CREB3L1: variants seen among roughly 807,000 people sequenced by gnomAD.
CREB3L1 encodes the protein cyclic AMP-responsive element-binding protein 3-like protein 1.
Under a neutral mutation model 54.5 loss-of-function variants are expected in CREB3L1, and 33 were observed. The observed-to-expected ratio is 0.61, with a 90% CI of 0.46 to 0.81. CREB3L1 has a LOEUF of 0.81. Ranked by LOEUF, CREB3L1 falls within the 30% of genes least tolerant of loss-of-function variation. CREB3L1 has a pLI of 0.00. For synonymous variants in CREB3L1, 284 were observed against 286.4 expected, an observed-to-expected ratio of 0.99 and a Z score of 0.08; for missense variants, 656 against 673.3, an observed-to-expected ratio of 0.97 and a Z score of 0.29.
At chr11:46,292,079 C>A (rs931888676) in intron 1 of CREB3L1, among the ~76,000 whole-genome samples, 5 of 152,178 alleles carry the variant, frequency 3.3e-5, no homozygotes, top group African/African-American at 1.2e-4. Flanking sequence ...TTAGGCCTGA[C>A]AGGGTCTGGG....
At chr11:46,302,677 T>C (rs1309527572) in intron 2 of CREB3L1, among the ~76,000 whole-genome samples, 1 of 152,226 alleles carries the variant, frequency 6.6e-6, no homozygotes, top group Non-Finnish European at 1.5e-5. Context: ...AATCTCCATG[T>C]GACCGATAAG....
chr11:46,285,226 G>A (rs1939038869), intron 1 of CREB3L1, among the ~76,000 whole-genome samples: 1 of 152,196 alleles, frequency 6.6e-6, no homozygotes, highest in Non-Finnish European at 1.5e-5. Context: ...TCTGGAACCT[G>A]GCTTGCCCTT....
At chr11:46,314,187 G>C (rs4522142) in intron 8 of CREB3L1, among the ~76,000 whole-genome samples, 1 of 150,938 alleles carries the variant, frequency 6.6e-6, no homozygotes, top group South Asian at 2.1e-4. Flanking sequence ...ACAGTGAGCT[G>C]AGATGGTGCC....
rs1939585865 is a variant in CREB3L1 at position 46,317,502 on chromosome 11, G to A, written c.1258+15G>A. 2 of 1,606,024 alleles carry A rather than the reference G, an allele frequency of 1.2e-6. No individual in the cohort carries two copies. Among genetic ancestry groups the A allele is most frequent in the African/African-American group, 1.3e-5 (1 of 74,918 alleles). ...GGCCAGCCAGAGTGAGTGCCCGCCT[G>A]TCATGCCAGCTCCCTGGGCTGAGGC... On this transcript the variant is annotated intron_variant, in intron 10 of 11. Coordinates refer to ENST00000621158, the MANE Select transcript of CREB3L1 (RefSeq NM_052854.4).
At chr11:46,312,730 C>A (rs1177505613) in intron 7 of CREB3L1, 60 bp downstream of exon 7, 1 of 1,565,364 alleles carries the variant, frequency 6.4e-7, no homozygotes, top group East Asian at 2.3e-5. Flanking sequence ...CTCCCCTAGG[C>A]CCTCCCTCAG....
At chr11:46,282,150 T>C (rs1389147079) in intron 1 of CREB3L1, among the ~76,000 whole-genome samples, 2 of 152,090 alleles carry the variant, frequency 1.3e-5, no homozygotes, top group African/African-American at 4.8e-5. Context: ...GATGAATGAA[T>C]GGATGGATGG....
chr11:46,310,883 G>A, intron 4 of CREB3L1, 149 bp from the exon 5 acceptor site: 1 of 1,212,314 alleles, frequency 8.2e-7, no homozygotes, highest in Non-Finnish European at 1.1e-6. Context: ...CTGCAGAGGG[G>A]CTTCTGATGT....
At chr11:46,300,645 G>T (rs1939283171) in intron 2 of CREB3L1, among the ~76,000 whole-genome samples, 1 of 152,132 alleles carries the variant, frequency 6.6e-6, no homozygotes, top group African/African-American at 2.4e-5. Flanking sequence ...GAGGCAGGTG[G>T]ATCACCCGAG....
At chr11:46,317,085 C>T (rs1426235832) in intron 9 of CREB3L1, among the ~76,000 whole-genome samples, 6 of 152,214 alleles carry the variant, frequency 3.9e-5, no homozygotes, top group African/African-American at 7.2e-5. Flanking sequence ...TCCTCTACCC[C>T]GTAAGGGGAC....
chr11:46,311,226 G>T (rs148174469), intron 5 of CREB3L1, 37 bp downstream of exon 5: 5 of 1,500,132 alleles, frequency 3.3e-6, no homozygotes, highest in Non-Finnish European at 4.4e-6. Context: ...CAGAAATGAG[G>T]AATTGAATAC....
Position 46,321,201 on chromosome 11 carries a change from C to T in CREB3L1, c.*455C>T. On this transcript the variant is annotated 3_prime_UTR_variant, in exon 12 of 12. Transcript: ENST00000621158. ...AAGATATTGTATTTTACAAATCTCC[C>T]TCTTCCCTTCGCCCCTCCCTTGTTT... 1 of 320,538 alleles carries T rather than the reference C, an allele frequency of 3.1e-6. No individual in the cohort carries two copies. Among genetic ancestry groups the T allele is most frequent in the Non-Finnish European group, 6.1e-6 (1 of 164,674 alleles). 19.9% of individuals were successfully genotyped at this position (320,538 alleles called of 1,614,324 possible).
At position 46,311,226 on chromosome 11, in the gene CREB3L1, G is replaced by A. The variant is rs148174469; in HGVS notation, c.753+37G>A. On this transcript the variant is annotated intron_variant, in intron 5 of 11. Transcript: ENST00000621158. ...GGGGTGGGCTGATCCCAGAAATGAG[G>A]AATTGAATACATCCACCTGAGCACA... 3.0e-4 allele frequency: 451 copies of A among 1,500,134 alleles called. No individual in the cohort carries two copies. In the African/African-American group the frequency reaches 5.8e-3, roughly 19 times the overall value. 92.9% of individuals were successfully genotyped at this position (1,500,134 alleles called of 1,614,324 possible).
intron 2 of CREB3L1, among the ~76,000 whole-genome samples, chr11:46,300,894 A>G (rs1590344404): frequency 2.0e-5 from 3 of 151,932 alleles, no homozygotes; most frequent in South Asian, 4.1e-4. Flanking sequence ...AGTCCCAGCT[A>G]CTTGGGAAGC....
At chr11:46,305,560 G>C (rs1269929337) in intron 2 of CREB3L1, among the ~76,000 whole-genome samples, 1 of 150,654 alleles carries the variant, frequency 6.6e-6, no homozygotes, top group Non-Finnish European at 1.5e-5. Flanking sequence ...CACGAGGGCA[G>C]AGTGATCTTT....
rs1227637606 is a variant in CREB3L1, at chr11:46,313,605, G to C, written c.1031+686G>C. On this transcript the variant is annotated intron_variant, in intron 8 of 11. Transcript: ENST00000621158. ...GGAGGCTGAGGGAGAAGAATCACTT[G>C]AATCCGAGAGGCGGCAGTTGCAGTG... 2.0e-4 allele frequency among the ~76,000 whole-genome samples: 30 copies of C among 152,222 alleles called. No individual in the cohort carries two copies. In the East Asian group the frequency reaches 4.3e-3, roughly 22 times the overall value.
chr11:46,313,647 C>T (rs11826785), intron 8 of CREB3L1, among the ~76,000 whole-genome samples: 1,690 of 152,042 alleles, frequency 0.011, 24 homozygotes, highest in African/African-American at 0.039. Context: ...CACTGTGCCA[C>T]TGCACTCCAG....
intron 1 of CREB3L1, among the ~76,000 whole-genome samples, chr11:46,284,848 G>A (rs1939033988): frequency 6.6e-6 from 1 of 152,142 alleles, no homozygotes; most frequent in African/African-American, 2.4e-5. Context: ...CTAGAGCAAG[G>A]AAAATTCAGG....
At chr11:46,286,220 G>T (rs1939053486) in intron 1 of CREB3L1, among the ~76,000 whole-genome samples, 1 of 109,430 alleles carries the variant, frequency 9.1e-6, no homozygotes, top group South Asian at 3.2e-4. Context: ...GAGTAGGGTG[G>T]GGACGATAGA....
intron 1 of CREB3L1, among the ~76,000 whole-genome samples, chr11:46,293,439 A>G (rs1415057623): frequency 6.6e-6 from 1 of 152,228 alleles, no homozygotes; most frequent in Non-Finnish European, 1.5e-5. Context: ...TGAGGAAGCT[A>G]TGGCCTGACC....
Sources: allele counts gnomAD v4.1 joint callset (sites outside exome capture counted in the v4.1 genomes callset), GRCh38; gene constraint gnomAD v4.1.1; transcripts MANE v1.5; gene names NCBI Gene and HGNC (gene_info 2026-07-23, HGNC 2026-07-21).